DHTKD1: variants seen among roughly 807,000 people sequenced by gnomAD.
DHTKD1 encodes the protein 2-oxoadipate dehydrogenase complex component E1.
Under a neutral mutation model 101.8 loss-of-function variants are expected in DHTKD1, and 78 were observed. That is an observed-to-expected ratio of 0.77 (90% confidence interval 0.64 to 0.93). The LOEUF is 0.93. Ranked by LOEUF, DHTKD1 falls within the 40% of genes least tolerant of loss-of-function variation. The pLI is 0.00. For synonymous variants in DHTKD1, 462 were observed against 450.3 expected (o/e 1.03, Z -0.33); for missense variants, 1,223 against 1,161.7 (o/e 1.05, Z -0.77).
intron 1 of DHTKD1, among the ~76,000 whole-genome samples, chr10:12,073,687 T>C (rs1024337404): frequency 6.6e-6 from 1 of 152,146 alleles, no homozygotes; most frequent in African/African-American, 2.4e-5. Flanking sequence ...AAAAGCTCAG[T>C]CTGGCCCAGC....
At position 12,069,203 on chromosome 10, in the gene DHTKD1, C is replaced by T. The variant is rs1402844403; in HGVS notation, c.154+16C>T. ...CGCCCCCCAGGTCGGGGATGGGGCC[C>T]GGGCGGTGGGAGCGGGGGCTGGGAC... is the stretch of plus-strand genomic sequence containing the variant. On this transcript the variant is annotated intron_variant, in intron 1 of 16. Coordinates refer to ENST00000263035, the MANE Select transcript of DHTKD1 (RefSeq NM_018706.7). 3.6e-6 allele frequency: 5 copies of T among 1,402,930 alleles called. No homozygotes were observed. Among genetic ancestry groups the T allele is most frequent in the African/African-American group, 3.0e-5 (2 of 66,990 alleles). The allele number at this position is 1,402,930 out of a possible 1,614,324, so 86.9% of individuals were successfully genotyped here.
At chr10:12,084,777 A>G (rs200322715) in intron 3 of DHTKD1, 26 bp downstream of exon 3, 4 of 1,606,960 alleles carry the variant, frequency 2.5e-6, no homozygotes, top group African/African-American at 2.7e-5. Context: ...TAGGCCGGGC[A>G]CGGTGGCTCA....
Position 12,120,190 on chromosome 10 carries a change from TG to T in DHTKD1, c.2583del (p.Trp861Ter). The T allele has an allele frequency of 6.2e-7, 1 of 1,613,646 alleles. No individual in the cohort carries two copies. Among genetic ancestry groups the T allele is most frequent in the Non-Finnish European group, 8.5e-7 (1 of 1,179,640 alleles). ...AATTTCTTCTCTCATAGATCATATTTGGAGTCAGGAGGAACCTCAGAACATG... is the reference window on the plus strand; with the variant it reads ...AATTTCTTCTCTCATAGATCATATTTGAGTCAGGAGGAACCTCAGAACATG... ...SKYKHVKDHI[W>X]SQEEPQNMGP... On this transcript the variant is annotated frameshift_variant, in exon 16 of 17. Transcript: ENST00000263035. LOFTEE classifies it high-confidence loss of function.
intron 2 of DHTKD1, 146 bp from the exon 3 acceptor site, chr10:12,084,394 C>T: frequency 1.7e-6 from 1 of 572,202 alleles, no homozygotes; most frequent in Non-Finnish European, 3.1e-6. Flanking sequence ...CTGCATATAA[C>T]AAAACAATGC....
At chr10:12,100,539 G>A (rs145697033) in intron 9 of DHTKD1, among the ~76,000 whole-genome samples, 4,105 of 151,952 alleles carry the variant, frequency 0.027, 111 homozygotes, top group Non-Finnish European at 0.04. Flanking sequence ...CTAGGATTAT[G>A]GGCGTGAGCC....
Position 12,081,488 on chromosome 10 carries a change from C to T in DHTKD1, c.171C>T (p.Ala57=). 1 of 1,614,036 alleles carries T rather than the reference C, an allele frequency of 6.2e-7. No individual in the cohort carries two copies. The highest frequency in any genetic ancestry group is 8.5e-7 in the Non-Finnish European group (1 of 1,179,978). The change falls in exon 2 of 17, where the codon GCC becomes GCT. Residue 57 remains alanine (A), a synonymous_variant. Transcript: ENST00000263035. ...LERPPVDHGL[A]RLVTVYCEHG... ...CTGATTTAGTTGATCATGGCCTTGC[C>T]AGGTTGGTGACAGTATATTGTGAGC...
chr10:12,119,014 A>C (rs1193463228), intron 15 of DHTKD1, 96 bp downstream of exon 15: 2 of 1,297,518 alleles, frequency 1.5e-6, no homozygotes, highest in East Asian at 5.4e-5. Flanking sequence ...TTATTAGAAA[A>C]TTGAATCTTG....
chr10:12,107,868 C>A lies in DHTKD1; in HGVS notation c.2048-41C>A. Reference sequence around the variant, plus strand: ...GAGTCGTGTCAGGCCACTTTGTCCCCGCTTCGTAGAGCTCTTACTCCCCAC... The same window carrying A: ...GAGTCGTGTCAGGCCACTTTGTCCCAGCTTCGTAGAGCTCTTACTCCCCAC... On this transcript the variant is annotated intron_variant, in intron 11 of 16. Coordinates refer to ENST00000263035, the MANE Select transcript of DHTKD1 (RefSeq NM_018706.7). This position sits in a 1 kb window ranked among gnomAD's most constrained non-coding sequence, Gnocchi z 4.1. 1 of 1,398,706 alleles carries A rather than the reference C, an allele frequency of 7.1e-7. No individual in the cohort carries two copies. The highest frequency in any genetic ancestry group is 1.0e-6 in the Non-Finnish European group (1 of 990,580). 86.6% of individuals were successfully genotyped at this position (1,398,706 alleles called of 1,614,324 possible). A position where few individuals can be genotyped will look rare whatever the true frequency, so the allele number is the denominator to read the frequency against.
chr10:12,068,995 G>A lies in DHTKD1; in HGVS notation c.-39G>A. 6.2e-7 allele frequency: 1 copy of A among 1,609,902 alleles called. No homozygotes were observed. Among genetic ancestry groups the A allele is most frequent in the South Asian group, 1.1e-5 (1 of 90,660 alleles). On this transcript the variant is annotated 5_prime_UTR_variant, in exon 1 of 17. Transcript: ENST00000263035. ...ACCAGGGCCGGTGGGATCCCCTCGG[G>A]CTCCCGCCTTAGCATGCTGGCCGGG...
chr10:12,074,942 A>G (rs1339662525), intron 1 of DHTKD1, among the ~76,000 whole-genome samples: 6 of 151,984 alleles, frequency 3.9e-5, no homozygotes, highest in African/African-American at 1.4e-4. Context: ...TCTGGCCAAC[A>G]TGGTGAAATC....
chr10:12,077,758 G>A (rs907568523), intron 1 of DHTKD1, among the ~76,000 whole-genome samples: 1 of 151,898 alleles, frequency 6.6e-6, no homozygotes. Context: ...GTACCTTCAC[G>A]TCGTACTCAT....
intron 12 of DHTKD1, among the ~76,000 whole-genome samples, chr10:12,109,479 A>T (rs1833297177): frequency 6.6e-6 from 1 of 151,192 alleles, no homozygotes; most frequent in Admixed American, 6.7e-5. Context: ...GATGACATTG[A>T]CAGTCATGAG....
chr10:12,072,384 C>T (rs1564386301), intron 1 of DHTKD1, among the ~76,000 whole-genome samples: 2 of 151,970 alleles, frequency 1.3e-5, no homozygotes, highest in Non-Finnish European at 2.9e-5. Flanking sequence ...ATCACTTGAA[C>T]CTGGGAGGCT....
intron 3 of DHTKD1, among the ~76,000 whole-genome samples, chr10:12,085,241 T>G (rs1832879885): frequency 6.6e-6 from 1 of 150,978 alleles, no homozygotes; most frequent in South Asian, 2.1e-4. Flanking sequence ...ACCTGGGAGG[T>G]GGAGGCTGCA....
At chr10:12,071,183 TCTTTC>T (rs1832644690) in intron 1 of DHTKD1, among the ~76,000 whole-genome samples, 1 of 152,202 alleles carries the variant, frequency 6.6e-6, no homozygotes, top group African/African-American at 2.4e-5. Flanking sequence ...AGGGATATCT[TCTTTC>T]CTTCCCCTTA....
chr10:12,072,926 G>C (rs947268937), intron 1 of DHTKD1, among the ~76,000 whole-genome samples: 3 of 151,958 alleles, frequency 2.0e-5, no homozygotes, highest in Middle Eastern at 3.2e-3. Context: ...AGTAGAGACA[G>C]GGTTTCTCTG....
At chr10:12,080,513 C>G (rs1832799164) in intron 1 of DHTKD1, among the ~76,000 whole-genome samples, 1 of 151,474 alleles carries the variant, frequency 6.6e-6, no homozygotes, top group Admixed American at 6.6e-5. Context: ...AGATCAAGAC[C>G]ATCCTGGCTA....
At chr10:12,119,524 G>C (rs1322126897) in intron 15 of DHTKD1, among the ~76,000 whole-genome samples, 1 of 144,328 alleles carries the variant, frequency 6.9e-6, no homozygotes, top group Non-Finnish European at 1.5e-5. Context: ...GCTGACGCAG[G>C]AGAATGGCGT....
intron 13 of DHTKD1, among the ~76,000 whole-genome samples, chr10:12,114,862 C>A (rs1247838701): frequency 6.6e-6 from 1 of 151,856 alleles, no homozygotes; most frequent in Non-Finnish European, 1.5e-5. Flanking sequence ...GTGCTGCGAT[C>A]TCGGCTCACT....
Sources: allele counts gnomAD v4.1 joint callset (sites outside exome capture counted in the v4.1 genomes callset), GRCh38; gene constraint gnomAD v4.1.1; non-coding constraint Gnocchi (gnomAD v3.1); transcripts MANE v1.5; gene names NCBI Gene and HGNC (gene_info 2026-07-23, HGNC 2026-07-21).